The following EYS variants were observed in gnomAD, a reference collection of about 807,000 sequenced individuals.
EYS encodes the protein protein eyes shut homolog.
A neutral mutation model predicts 282.1 loss-of-function variants in EYS; 250 were observed. The ratio of observed to expected loss-of-function variants is 0.89; its 90% CI spans 0.80 to 0.98. The LOEUF (loss-of-function observed/expected upper bound fraction) is 0.98. Among genes scored for constraint, EYS ranks in the 50% least tolerant of loss-of-function variants. The pLI is 0.00. For synonymous variants in EYS, 1,355 were observed against 1,282.9 expected (o/e 1.06, Z -1.20); for missense variants, 4,016 against 3,709.0 (o/e 1.08, Z -2.15).
chr6:64,666,573 A>C (rs1036961702), intron 22 of EYS, among the ~76,000 whole-genome samples: 3 of 152,242 alleles, frequency 2.0e-5, no homozygotes, highest in Non-Finnish European at 4.4e-5. Flanking sequence ...TTTGGGCTGT[A>C]ATGTCTGTTG....
chr6:64,626,044 A>G lies in EYS; in HGVS notation c.3568+77T>C, dbSNP rs1033621798. 124 of 857,148 alleles carry G rather than the reference A, an allele frequency of 1.4e-4. 2 individuals carry two copies. The highest frequency in any genetic ancestry group is 1.4e-3 in the Middle Eastern group (4 of 2,850). The allele number at this position is 857,148 out of a possible 1,614,324, so 53.1% of individuals were successfully genotyped here. Reference sequence around the variant, plus strand: ...GTGGATTGTCAAAATTGTATTATACATACATGTCCATATACATTTACATAA... The same window carrying G: ...GTGGATTGTCAAAATTGTATTATACGTACATGTCCATATACATTTACATAA... On this transcript the variant is annotated intron_variant, in intron 23 of 42. Transcript: ENST00000503581.
At chr6:65,653,041 G>A (rs1304954298) in intron 1 of EYS, among the ~76,000 whole-genome samples, 1 of 151,902 alleles carries the variant, frequency 6.6e-6, no homozygotes, top group Non-Finnish European at 1.5e-5. Context: ...TTAACAGGCA[G>A]AAGCTACAAT....
chr6:64,080,319 G>A (rs1771920452), intron 32 of EYS, among the ~76,000 whole-genome samples: 1 of 152,158 alleles, frequency 6.6e-6, no homozygotes, highest in Admixed American at 6.6e-5. Flanking sequence ...GTGATGATGA[G>A]CATTTTTTCA....
chr6:65,298,591 C>A (rs1297695510), intron 11 of EYS, among the ~76,000 whole-genome samples: 1 of 151,840 alleles, frequency 6.6e-6, no homozygotes, highest in African/African-American at 2.4e-5. Context: ...GTGGTTAGAG[C>A]AACAACCTAC....
chr6:65,562,735 GTTAA>G (rs1410652480), intron 2 of EYS, among the ~76,000 whole-genome samples: 1 of 151,966 alleles, frequency 6.6e-6, no homozygotes, highest in African/African-American at 2.4e-5. Context: ...TAAATACTGT[GTTAA>G]TTAAGTTAAT....
At position 65,221,453 on chromosome 6, in the gene EYS, G is replaced by A. The variant is rs76178526; in HGVS notation, c.2023+74410C>T. Among the ~76,000 whole-genome samples the A allele has an allele frequency of 2.7e-3, 417 of 152,318 alleles. 6 individuals carry two copies. Among genetic ancestry groups the A allele is most frequent in the Middle Eastern group, 0.01 (3 of 294 alleles). On this transcript the variant is annotated intron_variant, in intron 12 of 42. Transcript: ENST00000503581. ...AGAGCTCAGGCCATTGCTTCAGAGGGTGCAAGCTGCAAGCCTTAGAGGCTT... is the reference window on the plus strand; with the variant it reads ...AGAGCTCAGGCCATTGCTTCAGAGGATGCAAGCTGCAAGCCTTAGAGGCTT...
At chr6:64,746,677 T>C (rs1161019450) in intron 22 of EYS, among the ~76,000 whole-genome samples, 1 of 152,212 alleles carries the variant, frequency 6.6e-6, no homozygotes, top group East Asian at 1.9e-4. Context: ...GCATTTTGAA[T>C]TGGCTCCACC....
chr6:63,782,169 T>G (rs1302948313), intron 39 of EYS, among the ~76,000 whole-genome samples: 1 of 152,198 alleles, frequency 6.6e-6, no homozygotes, highest in Admixed American at 6.5e-5. Flanking sequence ...TTATTGAGGA[T>G]TTTTGCATTG....
At chr6:64,027,751 G>A (rs1428372511) in intron 33 of EYS, among the ~76,000 whole-genome samples, 1 of 152,206 alleles carries the variant, frequency 6.6e-6, no homozygotes, top group Non-Finnish European at 1.5e-5. Context: ...AAGGTGCACT[G>A]CCCCAGAGGA....
chr6:64,940,266 T>G (rs2150092395), intron 15 of EYS, among the ~76,000 whole-genome samples: 1 of 152,134 alleles, frequency 6.6e-6, no homozygotes, highest in East Asian at 1.9e-4. Flanking sequence ...TAAACCCAAC[T>G]TTTGCAACCC....
intron 30 of EYS, among the ~76,000 whole-genome samples, chr6:64,304,153 G>C (rs935447405): frequency 3.9e-5 from 6 of 152,160 alleles, no homozygotes; most frequent in African/African-American, 1.4e-4. Context: ...TGCAGACTCT[G>C]ACAGCAGAGC....
At chr6:63,874,188 A>C (rs189833279) in intron 35 of EYS, among the ~76,000 whole-genome samples, 96 of 152,242 alleles carry the variant, frequency 6.3e-4, no homozygotes, top group Admixed American at 1.6e-3. Context: ...GTAAGGAAGG[A>C]ATCCAATTTC....
At chr6:64,999,840 C>T (rs9453150) in intron 13 of EYS, among the ~76,000 whole-genome samples, 3,562 of 152,156 alleles carry the variant, frequency 0.023, 131 homozygotes, top group African/African-American at 0.081. Flanking sequence ...CCCAGGACGC[C>T]GAGCACCCCA....
At chr6:65,157,884 C>A (rs72881748) in intron 12 of EYS, among the ~76,000 whole-genome samples, 28,425 of 150,412 alleles carry the variant, frequency 0.19, 2,960 homozygotes, top group Middle Eastern at 0.23. Context: ...AGGTACTGTT[C>A]TTGAGCCTAT....
intron 22 of EYS, among the ~76,000 whole-genome samples, chr6:64,689,017 G>C (rs1162448858): frequency 1.3e-5 from 2 of 152,104 alleles, no homozygotes; most frequent in South Asian, 2.1e-4. Context: ...ATTAGGAAAA[G>C]AGGAAGTCAA....
chr6:64,052,472 C>A (rs934109151), intron 33 of EYS, among the ~76,000 whole-genome samples: 14 of 152,024 alleles, frequency 9.2e-5, no homozygotes, highest in African/African-American at 3.4e-4. Context: ...GGGGAATGTG[C>A]TAAACTTTCC....
chr6:63,740,544 T>C (rs1207761570), intron 41 of EYS, among the ~76,000 whole-genome samples: 3 of 152,230 alleles, frequency 2.0e-5, no homozygotes, highest in Non-Finnish European at 4.4e-5. Context: ...TGAATATAAG[T>C]TGGCACCTCC....
At chr6:65,668,137 A>C (rs923294044) in intron 1 of EYS, among the ~76,000 whole-genome samples, 3 of 151,908 alleles carry the variant, frequency 2.0e-5, no homozygotes, top group South Asian at 2.1e-4. Context: ...ATTTTGGGCT[A>C]TCATATTTCT....
At chr6:64,768,743 C>A (rs1773430501) in intron 22 of EYS, among the ~76,000 whole-genome samples, 1 of 152,072 alleles carries the variant, frequency 6.6e-6, no homozygotes, top group Non-Finnish European at 1.5e-5. Flanking sequence ...TGAGAAAAAT[C>A]AGTTTTCCAT....
Sources: allele counts gnomAD v4.1 joint callset (sites outside exome capture counted in the v4.1 genomes callset), GRCh38; gene constraint gnomAD v4.1.1; transcripts MANE v1.5; gene names NCBI Gene and HGNC (gene_info 2026-07-23, HGNC 2026-07-21).